Variants in KCNH1 observed in about 807,000 individuals in gnomAD.
The protein encoded by KCNH1 is potassium voltage-gated channel subfamily H member 1.
A neutral mutation model predicts 69.2 loss-of-function variants in KCNH1; 27 were observed. The observed-to-expected ratio is 0.39, with a 90% confidence interval of 0.29 to 0.54. The LOEUF (loss-of-function observed/expected upper bound fraction) is 0.54. KCNH1 is among the 20% of genes least tolerant of loss of function. The pLI is 0.68. For synonymous variants in KCNH1, 456 were observed against 487.7 expected, an observed-to-expected ratio of 0.93 and a Z score of 0.86; for missense variants, 798 against 1,261.6, an observed-to-expected ratio of 0.63 and a Z score of 5.57.
At chr1:211,108,097 A>G (rs527579381) in intron 1 of KCNH1, among the ~76,000 whole-genome samples, 1 of 152,342 alleles carries the variant, frequency 6.6e-6, no homozygotes, top group South Asian at 2.1e-4. Flanking sequence ...CCACACACTC[A>G]TAATGCAGGG....
Position 210,683,469 on chromosome 1 carries a change from C to T in KCNH1, c.2782G>A (p.Glu928Lys). Residue 928 changes from glutamate (E) to lysine (K), a missense_variant, in exon 11 of 11, where the codon GAG becomes AAG. By Grantham distance (56) the Glu-to-Lys change is moderately conservative (BLOSUM62 1). Around this residue, in one of 4 missense-constraint regions of KCNH1, gnomAD observed 331 missense variants for 363.2 expected, o/e 0.91. Transcript: ENST00000271751. This position sits in a 1 kb window ranked among gnomAD's most constrained non-coding sequence, Gnocchi z 5.7. ...TCCTCCTTCAGCTCGTGCCTCACCT[C>T]CAGGACTGTGGCCTGCAGCGTCTGC... is the stretch of plus-strand genomic sequence containing the variant. ...PEQTLQATVL[E>K]VRHELKEDIK... is the part of the protein sequence containing the mutation. The T allele has an allele frequency of 6.2e-7, 1 of 1,614,142 alleles. No individual in the cohort carries two copies. The highest frequency in any genetic ancestry group is 8.5e-7 in the Non-Finnish European group (1 of 1,180,026).
chr1:210,743,407 G>C (rs1337807777), intron 10 of KCNH1, among the ~76,000 whole-genome samples: 3 of 152,186 alleles, frequency 2.0e-5, no homozygotes, highest in African/African-American at 7.2e-5. Context: ...CATTCAGGTA[G>C]AAAGAGGTAT....
At chr1:211,111,383 AC>A (rs2102489396) in intron 1 of KCNH1, among the ~76,000 whole-genome samples, 1 of 110,944 alleles carries the variant, frequency 9.0e-6, no homozygotes, top group East Asian at 2.9e-4. Flanking sequence ...CTGCCCGGCC[AC>A]CGCATGGTCT....
intron 7 of KCNH1, among the ~76,000 whole-genome samples, chr1:210,807,167 G>A (rs1433427511): frequency 5.3e-5 from 8 of 151,812 alleles, no homozygotes; most frequent in Admixed American, 4.6e-4. Flanking sequence ...ATTTTATCAC[G>A]TGTAGATTCA....
chr1:210,854,324 C>T (rs940354674), intron 7 of KCNH1, among the ~76,000 whole-genome samples: 5 of 152,128 alleles, frequency 3.3e-5, no homozygotes, highest in Non-Finnish European at 7.3e-5. Context: ...GAAACTGGGA[C>T]TCAGAGAACA....
intron 7 of KCNH1, among the ~76,000 whole-genome samples, chr1:210,855,934 T>C (rs578038152): frequency 6.6e-6 from 1 of 152,180 alleles, no homozygotes; most frequent in Non-Finnish European, 1.5e-5. Flanking sequence ...AGCTTACTCT[T>C]AATCTTAATA....
intron 10 of KCNH1, among the ~76,000 whole-genome samples, chr1:210,688,810 A>T (rs1398755746): frequency 1.3e-5 from 2 of 152,200 alleles, no homozygotes; most frequent in Admixed American, 6.5e-5. Flanking sequence ...CAGGGACCAC[A>T]CCAACAGAGA....
At chr1:210,994,364 C>T (rs552736787) in intron 6 of KCNH1, among the ~76,000 whole-genome samples, 10 of 152,286 alleles carry the variant, frequency 6.6e-5, no homozygotes, top group African/African-American at 2.4e-4. Context: ...AGGAATAAGA[C>T]ACAATCCCTT....
At chr1:210,687,344 G>A (rs1229098204) in intron 10 of KCNH1, among the ~76,000 whole-genome samples, 1 of 152,236 alleles carries the variant, frequency 6.6e-6, no homozygotes, top group Non-Finnish European at 1.5e-5. Flanking sequence ...GTATTCAGGT[G>A]TTCTGACTGA....
At chr1:211,064,245 T>C (rs1690487289) in intron 5 of KCNH1, among the ~76,000 whole-genome samples, 1 of 152,182 alleles carries the variant, frequency 6.6e-6, no homozygotes, top group African/African-American at 2.4e-5. Flanking sequence ...ATACCTATTA[T>C]ATTGATGAGT....
At chr1:210,856,800 T>TTTATATTTATATATATA in intron 7 of KCNH1, among the ~76,000 whole-genome samples, 1 of 119,514 alleles carries the variant, frequency 8.4e-6, no homozygotes, top group Non-Finnish European at 1.7e-5. Flanking sequence ...TATATTTATA[T>TTTATATTTATATATATA]TTATATATAT....
At chr1:210,946,360 C>A (rs1558536028) in intron 6 of KCNH1, among the ~76,000 whole-genome samples, 2 of 152,118 alleles carry the variant, frequency 1.3e-5, no homozygotes, top group South Asian at 4.1e-4. Context: ...AGATGCCCTG[C>A]CCCTCCTTGG....
intron 10 of KCNH1, among the ~76,000 whole-genome samples, chr1:210,706,446 C>T (rs1204325807): frequency 4.6e-5 from 7 of 152,254 alleles, no homozygotes; most frequent in African/African-American, 1.7e-4. Context: ...TCAAATAAAA[C>T]TGACCTTTGC....
At chr1:210,695,090 A>G (rs941502024) in intron 10 of KCNH1, among the ~76,000 whole-genome samples, 4 of 152,246 alleles carry the variant, frequency 2.6e-5, no homozygotes, top group Non-Finnish European at 5.9e-5. Flanking sequence ...ACCTCTCTTT[A>G]GAATGCTGAC....
rs542490158 is a variant in KCNH1, at chr1:210,799,396, T to C, written c.1663-1636A>G. Among the ~76,000 whole-genome samples, 316 of 152,266 alleles carry C rather than the reference T, an allele frequency of 2.1e-3. 1 individual carries two copies. The highest frequency in any genetic ancestry group is 3.4e-3 in the Middle Eastern group (1 of 294). ...TAGGCAGCTGCCCCACAAAAAAGGC[T>C]TGTAATTTTATTATCAACATCTCAG... On this transcript the variant is annotated intron_variant, in intron 8 of 10. Transcript: ENST00000271751.
intron 6 of KCNH1, among the ~76,000 whole-genome samples, chr1:210,922,694 A>G (rs1055739596): frequency 2.0e-5 from 3 of 152,168 alleles, no homozygotes; most frequent in Non-Finnish European, 4.4e-5. Context: ...TAAGGTACAA[A>G]AGACTAATGA....
intron 6 of KCNH1, among the ~76,000 whole-genome samples, chr1:210,928,724 A>C (rs1489602788): frequency 1.3e-5 from 2 of 152,208 alleles, no homozygotes; most frequent in East Asian, 3.9e-4. Context: ...TAAATGAAAC[A>C]AAAGAAAAAA....
chr1:211,039,830 G>T (rs1048551254), intron 5 of KCNH1, among the ~76,000 whole-genome samples: 1 of 152,166 alleles, frequency 6.6e-6, no homozygotes, highest in African/African-American at 2.4e-5. Context: ...CTCATAGGTG[G>T]AAGGGACTTG....
At chr1:211,021,155 G>T (rs965064217) in intron 5 of KCNH1, among the ~76,000 whole-genome samples, 1 of 152,112 alleles carries the variant, frequency 6.6e-6, no homozygotes, top group Non-Finnish European at 1.5e-5. Context: ...GACTCAGGAG[G>T]AAAGGGTGGG....
Sources: gnomAD v4.1 joint callset for allele counts (sites outside exome capture counted in the v4.1 genomes callset) on GRCh38, gnomAD v4.1.1 for gene constraint, gnomAD v4.1.1 regional missense constraint, Gnocchi (gnomAD v3.1) non-coding constraint, MANE v1.5 for transcripts, NCBI Gene and HGNC (gene_info 2026-07-23, HGNC 2026-07-21) for gene names.